CNTN4: variants seen among roughly 807,000 people sequenced by gnomAD.
CNTN4 encodes contactin-4.
A neutral mutation model predicts 122.5 loss-of-function variants in CNTN4; 77 were observed. That is an observed-to-expected ratio of 0.63 (90% CI 0.52 to 0.76). The LOEUF is 0.76. CNTN4 is among the 30% of genes least tolerant of loss of function. The probability of loss-of-function intolerance (pLI) is 0.00; values close to 1 mark genes in which losing one functional copy is unlikely to be tolerated. For synonymous variants in CNTN4, 512 were observed against 447.0 expected, an observed-to-expected ratio of 1.15 and a Z score of -1.83; for missense variants, 1,256 against 1,259.1, an observed-to-expected ratio of 1.00 and a Z score of 0.04.
intron 4 of CNTN4, among the ~76,000 whole-genome samples, chr3:2,591,974 C>T (rs1048445907): frequency 6.6e-6 from 1 of 152,070 alleles, no homozygotes; most frequent in African/African-American, 2.4e-5. Flanking sequence ...AACTCCTGGG[C>T]TCAAGGCATC....
chr3:2,818,515 C>G (rs1344092707), intron 6 of CNTN4, among the ~76,000 whole-genome samples: 10 of 152,076 alleles, frequency 6.6e-5, no homozygotes, highest in Admixed American at 6.6e-4. Flanking sequence ...TTGGAAGTCC[C>G]CGAATCCAAT....
intron 4 of CNTN4, among the ~76,000 whole-genome samples, chr3:2,634,593 G>A (rs2082577577): frequency 6.6e-6 from 1 of 151,768 alleles, no homozygotes; most frequent in Non-Finnish European, 1.5e-5. Context: ...CACTTGGGGA[G>A]GCCAAGGCAG....
intron 2 of CNTN4, among the ~76,000 whole-genome samples, chr3:2,245,044 CATAATAG>C (rs1469855647): frequency 6.6e-6 from 1 of 151,928 alleles, no homozygotes; most frequent in Non-Finnish European, 1.5e-5. Flanking sequence ...GTCCGTCTTC[CATAATAG>C]ATACAATGGA....
At chr3:2,335,878 G>A (rs2043935280) in intron 2 of CNTN4, among the ~76,000 whole-genome samples, 1 of 152,126 alleles carries the variant, frequency 6.6e-6, no homozygotes, top group Non-Finnish European at 1.5e-5. Context: ...GTAACCCTTA[G>A]TTTATAATAA....
chr3:2,571,346 A>T (rs1318751909), intron 3 of CNTN4, 70 bp from the exon 4 acceptor site: 2 of 668,206 alleles, frequency 3.0e-6, no homozygotes, highest in Non-Finnish European at 5.5e-6. Flanking sequence ...ATTTGAGTAA[A>T]GATAAACTTG....
In CNTN4 at chr3:2,887,043, A is replaced by C. The variant is rs763349216; in HGVS notation, c.759A>C (p.Pro253=). Residue 253 remains proline, a synonymous_variant, in exon 10 of 25, where the codon CCA becomes CCC. Transcript: ENST00000418658. ...TCCTTTTTATTCTTGCTATCAGTCCAGTACCAACTATTATCTGGCGAAGAG... is the reference window on the plus strand; with the variant it reads ...TCCTTTTTATTCTTGCTATCAGTCCCGTACCAACTATTATCTGGCGAAGAG... ...VKLECFALGN[P]VPTIIWRRAD... is the part of the protein sequence containing the mutation. 6 of 1,613,622 alleles carry C rather than the reference A, an allele frequency of 3.7e-6. No homozygotes were observed. Among genetic ancestry groups the C allele is most frequent in the Non-Finnish European group, 5.1e-6 (6 of 1,179,722 alleles).
At chr3:2,677,129 T>A (rs1457192852) in intron 4 of CNTN4, among the ~76,000 whole-genome samples, 1 of 143,166 alleles carries the variant, frequency 7.0e-6, no homozygotes, top group East Asian at 2.1e-4. Flanking sequence ...GATCACTCTT[T>A]TAGATAGATA....
intron 3 of CNTN4, among the ~76,000 whole-genome samples, chr3:2,571,172 G>A (rs1189243629): frequency 3.9e-5 from 6 of 152,052 alleles, no homozygotes; most frequent in African/African-American, 1.4e-4. Context: ...ATCAGAAACT[G>A]TTCTTGTCTT....
intron 3 of CNTN4, among the ~76,000 whole-genome samples, chr3:2,377,813 G>T (rs2150731858): frequency 6.6e-6 from 1 of 151,442 alleles, no homozygotes; most frequent in Non-Finnish European, 1.5e-5. Flanking sequence ...TAGTGTTAGT[G>T]TATTTTATGT....
chr3:3,019,764 A>AT (rs1698111813), intron 14 of CNTN4, among the ~76,000 whole-genome samples: 1 of 39,800 alleles, frequency 2.5e-5, no homozygotes, highest in Non-Finnish European at 5.2e-5. Flanking sequence ...GTGTGTACAC[A>AT]AATATATATA....
intron 16 of CNTN4, among the ~76,000 whole-genome samples, chr3:3,031,199 A>G (rs1362444837): frequency 1.3e-5 from 2 of 152,206 alleles, no homozygotes; most frequent in African/African-American, 2.4e-5. Context: ...ACTTTACACT[A>G]GAAGGATAAT....
chr3:2,824,731 G>A (rs144210870), intron 7 of CNTN4, among the ~76,000 whole-genome samples: 3,397 of 151,890 alleles, frequency 0.022, 35 homozygotes, highest in South Asian at 0.035. Flanking sequence ...GCACAATCTC[G>A]GCTCACTGCA....
In CNTN4 at chr3:2,925,757, G is replaced by A; in HGVS notation, c.1336G>A (p.Asp446Asn). ...TGTTTACACCTGGAAGAAAGGAAGG[G>A]ATATATTAAAAGAAAATGAAAGGTA... is the stretch of plus-strand genomic sequence containing the variant. ...KPVYTWKKGR[D>N]ILKENERITI... is the part of the protein sequence containing the mutation. Residue 446 changes from aspartate to asparagine, a missense_variant, in exon 13 of 25, where the codon GAT (aspartate) becomes AAT (asparagine). Coordinates refer to ENST00000418658, the MANE Select transcript of CNTN4 (RefSeq NM_175607.3). 3 of 1,613,608 alleles carry A rather than the reference G, an allele frequency of 1.9e-6. No homozygotes were observed. The South Asian group carries it at 3.3e-5, about 18-fold the overall frequency.
chr3:2,202,025 C>G (rs975334443), intron 2 of CNTN4, among the ~76,000 whole-genome samples: 1 of 152,136 alleles, frequency 6.6e-6, no homozygotes, highest in African/African-American at 2.4e-5. Context: ...GTATCTCCAA[C>G]TAGAAGACTG....
chr3:2,546,209 C>T (rs1410983222), intron 3 of CNTN4, among the ~76,000 whole-genome samples: 2 of 151,870 alleles, frequency 1.3e-5, no homozygotes, highest in Non-Finnish European at 2.9e-5. Flanking sequence ...CCTAAATACA[C>T]ATTCACTGCA....
At chr3:2,876,461 T>C (rs978904305) in intron 8 of CNTN4, among the ~76,000 whole-genome samples, 3 of 152,174 alleles carry the variant, frequency 2.0e-5, no homozygotes, top group African/African-American at 7.2e-5. Context: ...ATAAAACAAT[T>C]TTTGCCTTTT....
intron 13 of CNTN4, among the ~76,000 whole-genome samples, chr3:2,980,041 C>T (rs1693812533): frequency 6.6e-6 from 1 of 152,120 alleles, no homozygotes; most frequent in Non-Finnish European, 1.5e-5. Context: ...TCCTGTGTCC[C>T]CAGACTGGTT....
chr3:2,554,427 T>C (rs1379933897), intron 3 of CNTN4, among the ~76,000 whole-genome samples: 2 of 152,210 alleles, frequency 1.3e-5, no homozygotes, highest in South Asian at 4.1e-4. Flanking sequence ...TTTCTCCAGT[T>C]TGTGGGTCAT....
At chr3:2,217,114 T>A (rs1295077060) in intron 2 of CNTN4, among the ~76,000 whole-genome samples, 1 of 152,200 alleles carries the variant, frequency 6.6e-6, no homozygotes, top group Non-Finnish European at 1.5e-5. Context: ...CTCCCAAGGA[T>A]TGAAATTCAG....
Sources: allele counts gnomAD v4.1 joint callset (sites outside exome capture counted in the v4.1 genomes callset), GRCh38; gene constraint gnomAD v4.1.1; transcripts MANE v1.5; gene names NCBI Gene and HGNC (gene_info 2026-07-23, HGNC 2026-07-21).